The following CREM variants were observed in gnomAD, a reference collection of about 807,000 sequenced individuals.
The protein encoded by CREM is cAMP-responsive element modulator.
A neutral mutation model predicts 37.3 loss-of-function variants in CREM; 13 were observed. That is an observed-to-expected ratio of 0.35 (90% confidence interval 0.23 to 0.55). The LOEUF is 0.55. Ranked by LOEUF, CREM falls within the 20% of genes least tolerant of loss-of-function variation. The probability of loss-of-function intolerance (pLI) is 0.88; values close to 1 mark genes in which losing one functional copy is unlikely to be tolerated. For synonymous variants in CREM, 124 were observed against 120.2 expected, an observed-to-expected ratio of 1.03 and a Z score of -0.21; for missense variants, 296 against 362.3, an observed-to-expected ratio of 0.82 and a Z score of 1.49.
At position 35,148,358 on chromosome 10, in the gene CREM, G is replaced by A; in HGVS notation, c.45-10G>A. 1.9e-6 allele frequency: 3 copies of A among 1,601,588 alleles called. No individual in the cohort carries two copies. In the South Asian group the frequency reaches 3.4e-5, roughly 18 times the overall value. On this transcript the variant is annotated splice_polypyrimidine_tract_variant and intron_variant, in intron 2 of 7. Coordinates refer to ENST00000685392, the MANE Select transcript of CREM (RefSeq NM_183011.2). ...GCCTTAATTTGTCTTCCTTTTTATT[G>A]TCTTTTCAGACAAATGACCATGGAA...
intron 1 of CREM, among the ~76,000 whole-genome samples, chr10:35,129,407 A>C (rs1043458112): frequency 2.0e-5 from 3 of 152,214 alleles, no homozygotes; most frequent in Non-Finnish European, 4.4e-5. Context: ...AAAATACAAA[A>C]TCTTGCTTAG....
chr10:35,207,666 C>T (rs376364610), intron 7 of CREM, among the ~76,000 whole-genome samples: 18 of 151,156 alleles, frequency 1.2e-4, no homozygotes, highest in East Asian at 9.9e-4. Flanking sequence ...CCCAGCTACT[C>T]GGGAGGCTGA....
chr10:35,192,433 C>CT (rs2094956006), intron 6 of CREM, among the ~76,000 whole-genome samples: 1 of 152,156 alleles, frequency 6.6e-6, no homozygotes, highest in Non-Finnish European at 1.5e-5. Context: ...ACTGCAACCT[C>CT]TGTCTCCTGG....
At position 35,180,845 on chromosome 10, in the gene CREM, G is replaced by A. The variant is rs138129171; in HGVS notation, c.409+1569G>A. 7.0e-3 allele frequency among the ~76,000 whole-genome samples: 1,070 copies of A among 152,296 alleles called. 17 individuals carry two copies. Among genetic ancestry groups the A allele is most frequent in the African/African-American group, 0.024 (1,006 of 41,572 alleles). ...GAGGGGCTGGGCAGAAGCTGCTGGCGCCTCCTGGCTGGTCAGCCCTGGCCT... is the reference window on the plus strand; with the variant it reads ...GAGGGGCTGGGCAGAAGCTGCTGGCACCTCCTGGCTGGTCAGCCCTGGCCT... On this transcript the variant is annotated intron_variant, in intron 5 of 7. Transcript: ENST00000685392.
chr10:35,191,988 T>A (rs1564939267), intron 6 of CREM, among the ~76,000 whole-genome samples: 1 of 152,168 alleles, frequency 6.6e-6, no homozygotes, highest in Non-Finnish European at 1.5e-5. Context: ...CAGTCTCCAT[T>A]CAAAGTCACT....
At chr10:35,154,238 A>G in intron 3 of CREM, 1 of 391,888 alleles carries the variant, frequency 2.6e-6, no homozygotes, top group Admixed American at 4.4e-5. Context: ...CAGCTATGCC[A>G]AAAATCTTCT....
intron 6 of CREM, among the ~76,000 whole-genome samples, chr10:35,202,002 A>C (rs2095399306): frequency 6.6e-6 from 1 of 152,162 alleles, no homozygotes; most frequent in East Asian, 1.9e-4. Flanking sequence ...GCTAGATTCT[A>C]GGGGTTTCTG....
At chr10:35,180,304 C>G (rs1038443825) in intron 5 of CREM, among the ~76,000 whole-genome samples, 1 of 151,902 alleles carries the variant, frequency 6.6e-6, no homozygotes. Context: ...TAGATATATT[C>G]TTTGTTTTTC....
At chr10:35,144,619 A>T (rs551278776) in intron 2 of CREM, among the ~76,000 whole-genome samples, 1 of 152,286 alleles carries the variant, frequency 6.6e-6, no homozygotes, top group African/African-American at 2.4e-5. Flanking sequence ...ACCAGTTAAG[A>T]TGATTGCATG....
chr10:35,160,751 T>C (rs548431679), intron 3 of CREM, among the ~76,000 whole-genome samples: 2 of 152,384 alleles, frequency 1.3e-5, no homozygotes, highest in Admixed American at 1.3e-4. Context: ...TGTTTTCTTC[T>C]ATGCTTATGC....
chr10:35,126,900 G>A lies in CREM; in HGVS notation c.-348G>A, dbSNP rs1795978110. 6.6e-6 allele frequency: 1 copy of A among 152,154 alleles called. No individual in the cohort carries two copies. The highest frequency in any genetic ancestry group is 2.4e-5 in the African/African-American group (1 of 41,410). The allele number at this position is 152,154 out of a possible 1,614,324, so 9.4% of individuals were successfully genotyped here. A position where few individuals can be genotyped will look rare whatever the true frequency, so the allele number is the denominator to read the frequency against. On this transcript the variant is annotated 5_prime_UTR_variant, in exon 1 of 8. Transcript: ENST00000685392. Reference sequence around the variant, plus strand: ...TGGCGGCCGGCAGGGGGCGGAGTTCGAGCCTGGATTTTTTTCCTCGGGGCC... The same window carrying A: ...TGGCGGCCGGCAGGGGGCGGAGTTCAAGCCTGGATTTTTTTCCTCGGGGCC...
intron 7 of CREM, among the ~76,000 whole-genome samples, chr10:35,207,819 T>C (rs1324815732): frequency 6.6e-6 from 1 of 152,120 alleles, no homozygotes; most frequent in South Asian, 2.1e-4. Flanking sequence ...CCAAGTTACA[T>C]GTTGTGTGGC....
chr10:35,175,529 G>T (rs561690051), intron 3 of CREM: 1 of 697,190 alleles, frequency 1.4e-6, no homozygotes, highest in Non-Finnish European at 2.5e-6. Flanking sequence ...CCTAAGAAAG[G>T]CTTCACTGTT....
chr10:35,202,692 C>T (rs73262805), intron 6 of CREM, among the ~76,000 whole-genome samples: 14 of 152,140 alleles, frequency 9.2e-5, no homozygotes, highest in Non-Finnish European at 1.0e-4. Flanking sequence ...CAAATTCCTA[C>T]TAATTTATAC....
chr10:35,154,170 T>C (rs2092758283), intron 3 of CREM: 1 of 398,238 alleles, frequency 2.5e-6, no homozygotes, highest in East Asian at 3.6e-5. Context: ...CATGTGCGAG[T>C]TGTAAATTTT....
In CREM at chr10:35,211,261, G is replaced by A. The variant is rs2095660219; in HGVS notation, c.763G>A (p.Ala255Thr). ...GCCTTGTGTTGCTTCCAGGGAAGCT[G>A]CCCGGGAGTGTCGCAGGAAGAAGAA... is the stretch of plus-strand genomic sequence containing the variant. ...ELRLMKNREA[A>T]RECRRKKKEY... The change falls in exon 8 of 8, where the codon GCC (alanine) becomes ACC (threonine). Residue 255 changes from alanine (A) to threonine (T), a missense_variant. Ala to Thr is a moderately conservative substitution (Grantham distance 58). Coordinates refer to ENST00000685392, the MANE Select transcript of CREM (RefSeq NM_183011.2). The A allele has an allele frequency of 6.2e-7, 1 of 1,613,364 alleles. No homozygotes were observed. Among genetic ancestry groups the A allele is most frequent in the Admixed American group, 1.7e-5 (1 of 59,950 alleles).
chr10:35,157,913 C>T (rs943011187), intron 3 of CREM, among the ~76,000 whole-genome samples: 1 of 151,978 alleles, frequency 6.6e-6, no homozygotes, highest in Non-Finnish European at 1.5e-5. Flanking sequence ...ATGAAATCAA[C>T]TTATAAAAAC....
chr10:35,175,340 G>C (rs1452422007), intron 3 of CREM, among the ~76,000 whole-genome samples: 1 of 152,144 alleles, frequency 6.6e-6, no homozygotes, highest in African/African-American at 2.4e-5. Context: ...CAGCTACTCA[G>C]GAGGCTGAGG....
At chr10:35,174,672 T>C (rs2093970650) in intron 3 of CREM, among the ~76,000 whole-genome samples, 1 of 152,222 alleles carries the variant, frequency 6.6e-6, no homozygotes, top group African/African-American at 2.4e-5. Flanking sequence ...CCAAGGTCTT[T>C]GACTCTTGAG....
Sources: gnomAD v4.1 joint callset for allele counts (sites outside exome capture counted in the v4.1 genomes callset) on GRCh38, gnomAD v4.1.1 for gene constraint, MANE v1.5 for transcripts, NCBI Gene and HGNC (gene_info 2026-07-23, HGNC 2026-07-21) for gene names.